Variants in RGMA observed in about 807,000 individuals in gnomAD.
RGMA encodes repulsive guidance molecule A.
In RGMA, 10 loss-of-function variants were observed where a neutral mutation model predicts 23.2. The observed-to-expected ratio is 0.43, with a 90% CI of 0.27 to 0.73. The LOEUF (loss-of-function observed/expected upper bound fraction) is 0.73, where lower values mean the gene tolerates loss of function less well. Among genes scored for constraint, RGMA ranks in the 30% least tolerant of loss-of-function variants. The pLI is 0.20. For synonymous variants in RGMA, 308 were observed against 279.3 expected (o/e 1.10, Z -1.03); for missense variants, 547 against 630.5 (o/e 0.87, Z 1.42).
In RGMA at chr15:93,039,627, C is replaced by T. The variant is rs373254198; in HGVS notation, c.*5371G>A. The stretch of plus-strand genomic sequence containing the variant: ...GTTCTCATTGTTCAACTCCCACTTA[C>T]GAGTGAGAACATGCGGTGTTTGGTT... On this transcript the variant is annotated 3_prime_UTR_variant, in exon 4 of 4. Coordinates refer to ENST00000329082, the MANE Select transcript of RGMA (RefSeq NM_020211.3). The T allele has an allele frequency of 9.9e-5, 15 of 152,018 alleles. No homozygotes were observed. The highest frequency in any genetic ancestry group is 9.7e-4 in the East Asian group (5 of 5,166). 9.4% of individuals were successfully genotyped at this position (152,018 alleles called of 1,614,324 possible).
chr15:93,065,689 T>C lies in RGMA; in HGVS notation c.130+7227A>G, dbSNP rs1191980047. On this transcript the variant is annotated intron_variant, in intron 2 of 3. Coordinates refer to ENST00000329082, the MANE Select transcript of RGMA (RefSeq NM_020211.3). Reference sequence around the variant, plus strand: ...GGCCTGCTGCCCTCTCTGCTGGAAGTAGGGGTGGTTTCGTGGGCCCTGGGG... The same window carrying C: ...GGCCTGCTGCCCTCTCTGCTGGAAGCAGGGGTGGTTTCGTGGGCCCTGGGG... 15 of 1,157,318 alleles carry C rather than the reference T, an allele frequency of 1.3e-5. No homozygotes were observed. The South Asian group carries it at 1.7e-4, about 13-fold the overall frequency. The allele number at this position is 1,157,318 out of a possible 1,614,324, so 71.7% of individuals were successfully genotyped here. A position where few individuals can be genotyped will look rare whatever the true frequency, so the allele number is the denominator to read the frequency against.
chr15:93,051,893 C>T (rs59619993), intron 3 of RGMA, 100 bp downstream of exon 3: 1 of 1,282,042 alleles, frequency 7.8e-7, no homozygotes, highest in Non-Finnish European at 1.1e-6. Flanking sequence ...TCCGTCTTCC[C>T]CCATTCCCAG....
In RGMA at chr15:93,042,820, C is replaced by T. The variant is rs1212203842; in HGVS notation, c.*2178G>A. The T allele has an allele frequency of 1.3e-5, 2 of 152,344 alleles. No individual in the cohort carries two copies. The highest frequency in any genetic ancestry group is 4.8e-5 in the African/African-American group (2 of 41,458). The allele number at this position is 152,344 out of a possible 1,614,324, so 9.4% of individuals were successfully genotyped here. A position where few individuals can be genotyped will look rare whatever the true frequency, so the allele number is the denominator to read the frequency against. On this transcript the variant is annotated 3_prime_UTR_variant, in exon 4 of 4. Transcript: ENST00000329082. ...CGTGGACAGCAGCCTCCTGCAGCAC[C>T]ACTGCTCCGCCCGGGCTATGAGAAG...
At chr15:93,079,586 G>A (rs1233072795) in intron 1 of RGMA, among the ~76,000 whole-genome samples, 6 of 152,196 alleles carry the variant, frequency 3.9e-5, no homozygotes, top group African/African-American at 1.2e-4. Context: ...TTGGGAGGCC[G>A]AGGCGGGCCG....
rs1357277261 is a variant in RGMA, at chr15:93,061,515, G to GC, written c.131-9009dup. On this transcript the variant is annotated intron_variant, in intron 2 of 3. Transcript: ENST00000329082. Reference sequence around the variant, plus strand: ...GACCCTGTGCCCGGGAGATGCACTTGCCCCACAACTCACATAAATGTATGT... The same window carrying GC: ...GACCCTGTGCCCGGGAGATGCACTTGCCCCCACAACTCACATAAATGTATGT... 6.6e-5 allele frequency among the ~76,000 whole-genome samples: 10 copies of GC among 152,302 alleles called. No homozygotes were observed. In the East Asian group the frequency reaches 9.7e-4, roughly 15 times the overall value.
intron 1 of RGMA, among the ~76,000 whole-genome samples, chr15:93,077,589 G>A (rs1895492875): frequency 6.6e-6 from 1 of 152,246 alleles, no homozygotes; most frequent in African/African-American, 2.4e-5. Context: ...TCTTTCTTGA[G>A]ATTGTTGCTA....
chr15:93,038,569 G>GTTGTTGTTTTTTTTTTTTTTTTTTTTTTT lies in RGMA; in HGVS notation c.*6428_*6429insAAAAAAAAAAAAAAAAAAAAAAACAACAA, dbSNP rs1471553159. 22 of 100,222 alleles carry GTTGTTGTTTTTTTTTTTTTTTTTTTTTTT rather than the reference G, an allele frequency of 2.2e-4. No individual in the cohort carries two copies. Among genetic ancestry groups the GTTGTTGTTTTTTTTTTTTTTTTTTTTTTT allele is most frequent in the African/African-American group, 6.5e-4 (20 of 30,860 alleles). 6.2% of individuals were successfully genotyped at this position (100,222 alleles called of 1,614,324 possible). ...GCCTTAATGAACGAAACTGTTAGTT[G>GTTGTTGTTTTTTTTTTTTTTTTTTTTTTT]TTTTTTTTTTTTTTTTGAGACGGTG... is the stretch of plus-strand genomic sequence containing the variant. On this transcript the variant is annotated 3_prime_UTR_variant, in exon 4 of 4. Transcript: ENST00000329082.
chr15:93,048,408 G>A lies in RGMA; in HGVS notation c.646-2703C>T, dbSNP rs545135218. On this transcript the variant is annotated intron_variant, in intron 3 of 3. Transcript: ENST00000329082. The stretch of plus-strand genomic sequence containing the variant: ...TCTTCTCATGAGCCCGTTCATCTTG[G>A]GCACCCGGCGCTGTGCTTTCTGTGC... 2.6e-5 allele frequency among the ~76,000 whole-genome samples: 4 copies of A among 152,252 alleles called. No individual in the cohort carries two copies. In the East Asian group the frequency reaches 5.8e-4, roughly 22 times the overall value.
chr15:93,073,937 G>A, intron 1 of RGMA: 1 of 1,431,452 alleles, frequency 7.0e-7, no homozygotes, highest in Non-Finnish European at 9.1e-7. Flanking sequence ...CGGATGGTTT[G>A]GCGCTCTCTG....
chr15:93,073,482 G>A, intron 1 of RGMA: 1 of 1,197,378 alleles, frequency 8.4e-7, no homozygotes, highest in Non-Finnish European at 1.1e-6. Context: ...GCATGAGGCG[G>A]GGCAGGACGC....
chr15:93,072,359 A>C (rs1226167252), intron 2 of RGMA, among the ~76,000 whole-genome samples: 3 of 152,242 alleles, frequency 2.0e-5, no homozygotes, highest in Non-Finnish European at 2.9e-5. Context: ...GGCGACGCAG[A>C]AAGTTATCAA....
rs759349311 is a variant in RGMA, at chr15:93,039,787, G to A, written c.*5211C>T. ...ATATGTGCCACATTTTCTTTATCCA[G>A]TCTATCATTGAGCCCATTATTTCTG... On this transcript the variant is annotated 3_prime_UTR_variant, in exon 4 of 4. Transcript: ENST00000329082. 1 of 152,122 alleles carries A rather than the reference G, an allele frequency of 6.6e-6. No individual in the cohort carries two copies. The highest frequency in any genetic ancestry group is 1.5e-5 in the Non-Finnish European group (1 of 68,058). The allele number at this position is 152,122 out of a possible 1,614,324, so 9.4% of individuals were successfully genotyped here.
rs201119116 is a variant in RGMA, at chr15:93,045,471, C to T, written c.880G>A (p.Val294Ile). The change falls in exon 4 of 4, where the codon GTC becomes ATC. Residue 294 changes from valine to isoleucine, a missense_variant. By Grantham distance (29) the Val-to-Ile change is conservative (BLOSUM62 3). Around this residue, in one of 3 missense-constraint regions of RGMA, gnomAD observed 128 missense variants for 191.7 expected, o/e 0.67. Transcript: ENST00000329082. The surrounding 1 kb of genome is among the most constrained non-coding windows in gnomAD (Gnocchi z 6.9). ...TTGACCACTTCCTCTGGCATGCGGA[C>T]GGCAAAGGTCAGGTAGCGGCCCACC... ...RQVGRYLTFA[V>I]RMPEEVVNAV... The T allele has an allele frequency of 3.2e-5, 52 of 1,613,130 alleles. 1 individual carries two copies. The Admixed American group carries it at 6.7e-4, about 21-fold the overall frequency.
chr15:93,050,218 C>T (rs1354508045), intron 3 of RGMA, among the ~76,000 whole-genome samples: 1 of 152,214 alleles, frequency 6.6e-6, no homozygotes, highest in African/African-American at 2.4e-5. Flanking sequence ...ACAACTAGCT[C>T]AGAGGCTGGC....
At chr15:93,088,234 C>G (rs1292987110) in intron 1 of RGMA, 3 of 872,394 alleles carry the variant, frequency 3.4e-6, no homozygotes, top group Non-Finnish European at 2.8e-6. Context: ...GTCCCCCACA[C>G]CCGCCCTCCC....
chr15:93,087,923 G>A (rs1329481991), intron 1 of RGMA, among the ~76,000 whole-genome samples: 2 of 152,026 alleles, frequency 1.3e-5, no homozygotes, highest in Non-Finnish European at 2.9e-5. Flanking sequence ...TCCTGGAGGC[G>A]AGGGCTGGTT....
rs1465278313 is a variant in RGMA at position 93,047,998 on chromosome 15, G to C, written c.646-2293C>G. On this transcript the variant is annotated intron_variant, in intron 3 of 3. Transcript: ENST00000329082. ...GCAGCATGAGGCCATCCTGTTCTCT[G>C]GGGCCCGGAGGCCAGGGGTGCAGCA... Among the ~76,000 whole-genome samples, 3 of 152,348 alleles carry C rather than the reference G, an allele frequency of 2.0e-5. No individual in the cohort carries two copies. In the East Asian group the frequency reaches 5.8e-4, roughly 29 times the overall value.
At chr15:93,082,664 A>T (rs1789687242) in intron 1 of RGMA, among the ~76,000 whole-genome samples, 2 of 152,258 alleles carry the variant, frequency 1.3e-5, no homozygotes, top group African/African-American at 2.4e-5. Flanking sequence ...TGTTTTCCAG[A>T]CATTAACAAA....
rs1344645560 is a variant in RGMA at position 93,045,529 on chromosome 15, G to A, written c.822C>T (p.Ala274=). Residue 274 remains alanine (A), a synonymous_variant, in exon 4 of 4, where the codon GCC becomes GCT. Transcript: ENST00000329082. This position sits in a 1 kb window ranked among gnomAD's most constrained non-coding sequence, Gnocchi z 6.9. ...KVSGQHVEIQ[A]KYIGTTIVVR... is the part of the protein sequence containing the mutation. ...CCACGATGGTGGTGCCGATGTACTT[G>A]GCCTGGATCTCCACGTGCTGGCCTG... 1.2e-6 allele frequency: 2 copies of A among 1,613,192 alleles called. No individual in the cohort carries two copies. The highest frequency in any genetic ancestry group is 1.7e-6 in the Non-Finnish European group (2 of 1,179,878).
Sources: allele counts gnomAD v4.1 joint callset (sites outside exome capture counted in the v4.1 genomes callset), GRCh38; gene constraint gnomAD v4.1.1; regional missense constraint gnomAD v4.1.1; non-coding constraint Gnocchi (gnomAD v3.1); transcripts MANE v1.5; gene names NCBI Gene and HGNC (gene_info 2026-07-23, HGNC 2026-07-21).